Variants in RANBP2 observed in about 807,000 individuals in gnomAD.
RANBP2 encodes the protein E3 SUMO-protein ligase RanBP2.
Under a neutral mutation model 303.6 loss-of-function variants are expected in RANBP2, and 57 were observed. The ratio of observed to expected loss-of-function variants is 0.19; its 90% CI spans 0.15 to 0.23. The LOEUF (loss-of-function observed/expected upper bound fraction) is 0.23, where lower values mean the gene tolerates loss of function less well. Among genes scored for constraint, RANBP2 ranks in the 10% least tolerant of loss-of-function variants. The pLI, the probability that RANBP2 is intolerant of heterozygous loss-of-function variation, is 1.00. For missense variants in RANBP2, 3,138 were observed against 3,780.8 expected, an observed-to-expected ratio of 0.83 and a Z score of 4.46; for synonymous variants, 1,167 against 1,301.5, an observed-to-expected ratio of 0.90 and a Z score of 2.23.
At chr2:109,317,838 G>A in the RANBP2 span, among the ~76,000 whole-genome samples, 2 of 152,186 alleles carry the variant, frequency 1.3e-5, no homozygotes, top group African/African-American at 4.8e-5. Flanking sequence ...ATCCGTCTTG[G>A]GTCAGGTTTC....
the RANBP2 span, among the ~76,000 whole-genome samples, chr2:109,049,095 T>C: frequency 1.3e-5 from 2 of 152,284 alleles, no homozygotes; most frequent in East Asian, 1.9e-4. Context: ...TTTCAAACAA[T>C]GATATTTTTC....
At chr2:108,848,002 C>T in the RANBP2 span, among the ~76,000 whole-genome samples, 1 of 152,030 alleles carries the variant, frequency 6.6e-6, no homozygotes, top group Non-Finnish European at 1.5e-5. Flanking sequence ...AAAAAATACA[C>T]ACACGCTTAC....
At chr2:109,707,579 A>G in the RANBP2 span, among the ~76,000 whole-genome samples, 1 of 152,000 alleles carries the variant, frequency 6.6e-6, no homozygotes, top group East Asian at 1.9e-4. Context: ...AGATTCCTCC[A>G]CCACCCGCCC....
At chr2:109,304,095 C>G in the RANBP2 span, among the ~76,000 whole-genome samples, 1 of 149,922 alleles carries the variant, frequency 6.7e-6, no homozygotes, top group Non-Finnish European at 1.5e-5. Context: ...GAGCAAAACT[C>G]CATCTCAAAA....
the RANBP2 span, among the ~76,000 whole-genome samples, chr2:109,042,070 G>T: frequency 2.5e-3 from 374 of 152,226 alleles, 5 homozygotes; most frequent in African/African-American, 8.2e-3. Context: ...ATTCATGAGA[G>T]AAATTAGCTA....
the RANBP2 span, chr2:109,574,589 C>A: frequency 6.5e-7 from 1 of 1,541,140 alleles, no homozygotes; most frequent in Non-Finnish European, 8.7e-7. Context: ...ACCTTGCTGT[C>A]AAGGTTCTTC....
chr2:108,750,526 A>G (rs1461975756), intron 9 of RANBP2, among the ~76,000 whole-genome samples: 1 of 151,400 alleles, frequency 6.6e-6, no homozygotes, highest in African/African-American at 2.4e-5. Context: ...CAGAAAGATT[A>G]TACCTCTTTA....
chr2:109,512,578 GTCTC>G, the RANBP2 span, among the ~76,000 whole-genome samples: 1 of 150,886 alleles, frequency 6.6e-6, no homozygotes, highest in Non-Finnish European at 1.5e-5. Context: ...TTCACTGTGT[GTCTC>G]TCTATCTACA....
At chr2:109,245,196 G>A in the RANBP2 span, among the ~76,000 whole-genome samples, 1 of 152,094 alleles carries the variant, frequency 6.6e-6, no homozygotes, top group Non-Finnish European at 1.5e-5. Flanking sequence ...TGTGCTCCTG[G>A]TGAATGTATA....
At chr2:109,631,014 C>T in the RANBP2 span, among the ~76,000 whole-genome samples, 4 of 152,070 alleles carry the variant, frequency 2.6e-5, no homozygotes, top group African/African-American at 7.2e-5. Context: ...TGCAGTGAAC[C>T]GAGGTCACGG....
chr2:108,783,013 C>G, intron 28 of RANBP2, 151 bp downstream of exon 28: 2 of 715,608 alleles, frequency 2.8e-6, no homozygotes, highest in South Asian at 3.5e-5. Flanking sequence ...GCATCACTAC[C>G]CATTCCCTGC....
chr2:108,858,929 A>C, the RANBP2 span, among the ~76,000 whole-genome samples: 1 of 152,158 alleles, frequency 6.6e-6, no homozygotes, highest in African/African-American at 2.4e-5. Context: ...ACTGATGGGC[A>C]CCTAGGTTGA....
chr2:109,091,315 G>T, the RANBP2 span, among the ~76,000 whole-genome samples: 1 of 152,026 alleles, frequency 6.6e-6, no homozygotes, highest in African/African-American at 2.4e-5. Context: ...GCATATTTTT[G>T]GTGTCCTCTC....
At chr2:109,347,696 G>A in the RANBP2 span, 15 of 1,613,634 alleles carry the variant, frequency 9.3e-6, no homozygotes, top group Non-Finnish European at 1.3e-5. Context: ...CTTCCCTATG[G>A]CAAGGCCCTC....
In RANBP2 at chr2:108,719,519, G is replaced by C. The variant is rs1694030834; in HGVS notation, c.-88G>C. ...CGCCGGCTACGGCGCTGCGTCACTGGTTTGCAGGCGCTTTCCTCTTGGAAG... is the reference window on the plus strand; with the variant it reads ...CGCCGGCTACGGCGCTGCGTCACTGCTTTGCAGGCGCTTTCCTCTTGGAAG... On this transcript the variant is annotated 5_prime_UTR_variant, in exon 1 of 29. Transcript: ENST00000283195. 3 of 1,544,564 alleles carry C rather than the reference G, an allele frequency of 1.9e-6. No individual in the cohort carries two copies. The highest frequency in any genetic ancestry group is 2.0e-5 in the Admixed American group (1 of 50,526).
rs578045009 is a variant in RANBP2 at position 108,763,636 on chromosome 2, T to C, written c.3097T>C (p.Phe1033Leu). 6.2e-7 allele frequency: 1 copy of C among 1,614,116 alleles called. No homozygotes were observed. The highest frequency in any genetic ancestry group is 1.3e-5 in the African/African-American group (1 of 75,020). Residue 1033 changes from phenylalanine (F) to leucine (L), a missense_variant, in exon 20 of 29, where the codon TTT (phenylalanine) becomes CTT (leucine). Physicochemically the swap from Phe to Leu is conservative, Grantham distance 22 (BLOSUM62 0). Transcript: ENST00000283195. Reference protein sequence around the residue: ...AHTTQPTPFKFNSNFKSNDGD... With the variant: ...AHTTQPTPFKLNSNFKSNDGD... The stretch of plus-strand genomic sequence containing the variant: ...CACAACACAGCCAACTCCTTTTAAA[T>C]TTAACTCAAATTTCAAATCAAATGA...
chr2:108,949,660 G>A, the RANBP2 span, among the ~76,000 whole-genome samples: 1 of 152,158 alleles, frequency 6.6e-6, no homozygotes, highest in African/African-American at 2.4e-5. Context: ...TTGGAGGATT[G>A]GTTTGGGGCT....
chr2:109,261,127 C>A, the RANBP2 span, among the ~76,000 whole-genome samples: 1 of 152,168 alleles, frequency 6.6e-6, no homozygotes. Flanking sequence ...ACAGCCAGGC[C>A]CGTGAGCTAG....
intron 12 of RANBP2, 101 bp downstream of exon 12, chr2:108,752,095 G>T (rs1254970298): frequency 8.8e-6 from 14 of 1,594,686 alleles, no homozygotes; most frequent in South Asian, 5.7e-5. Context: ...ACAGCAGCTT[G>T]GTCACATTAT....
Sources: allele counts gnomAD v4.1 joint callset (sites outside exome capture counted in the v4.1 genomes callset), GRCh38; gene constraint gnomAD v4.1.1; transcripts MANE v1.5; gene names NCBI Gene and HGNC (gene_info 2026-07-23, HGNC 2026-07-21).